The following GALR1 variants were observed in gnomAD, a reference collection of about 807,000 sequenced individuals.
GALR1 encodes galanin receptor 1, also known as galanin receptor type 1.
In GALR1, 11 loss-of-function variants were observed where a neutral mutation model predicts 17.9. That is an observed-to-expected ratio of 0.62 (90% CI 0.39 to 1.02). The LOEUF (loss-of-function observed/expected upper bound fraction) is 1.02. GALR1 is among the 50% of genes least tolerant of loss of function. The pLI, the probability that GALR1 is intolerant of heterozygous loss-of-function variation, is 0.01. For synonymous variants in GALR1, 206 were observed against 205.7 expected (o/e 1.00, Z -0.01); for missense variants, 441 against 456.9 (o/e 0.97, Z 0.32).
At chr18:77,263,022 T>C (rs1464417795) in intron 2 of GALR1, among the ~76,000 whole-genome samples, 1 of 152,252 alleles carries the variant, frequency 6.6e-6, no homozygotes, top group African/African-American at 2.4e-5. Flanking sequence ...GGCATAGATC[T>C]TATCAGTAAG....
chr18:77,252,866 CCACCACCACCACCAT>C (rs1568138940), intron 1 of GALR1, among the ~76,000 whole-genome samples: 86 of 99,482 alleles, frequency 8.6e-4, no homozygotes, highest in South Asian at 4.5e-3. Flanking sequence ...ACCACCACCA[CCACCACCACCACCAT>C]CACCACCACC....
At chr18:77,267,978 A>T (rs555541948) in intron 2 of GALR1, among the ~76,000 whole-genome samples, 32 of 152,340 alleles carry the variant, frequency 2.1e-4, no homozygotes, top group African/African-American at 7.5e-4. Context: ...TCTGATTTCT[A>T]AGTATTTCTG....
Position 77,273,826 on chromosome 18 carries a change from G to C in GALR1, c.*4924G>C, listed in dbSNP as rs186702040. ...TTTCGTTGGCACTGTTGGATAGAAA[G>C]CCTCTCCTTTTCTGCTGGAGAAGAG... On this transcript the variant is annotated 3_prime_UTR_variant, in exon 3 of 3. Transcript: ENST00000299727. The C allele has an allele frequency of 6.6e-6, 1 of 152,144 alleles. No homozygotes were observed. The highest frequency in any genetic ancestry group is 1.9e-4 in the East Asian group (1 of 5,184). The allele number at this position is 152,144 out of a possible 1,614,324, so 9.4% of individuals were successfully genotyped here.
chr18:77,251,313 G>A, intron 1 of GALR1, 99 bp downstream of exon 1: 1 of 1,478,666 alleles, frequency 6.8e-7, no homozygotes, highest in African/African-American at 1.4e-5. Flanking sequence ...GAGCCTTGGC[G>A]GCAGCCTGGC....
chr18:77,250,300 C>T lies in GALR1; in HGVS notation c.-249C>T, dbSNP rs1421457798. Among the ~76,000 whole-genome samples the T allele has an allele frequency of 6.6e-6, 1 of 152,198 alleles. No homozygotes were observed. The highest frequency in any genetic ancestry group is 1.5e-5 in the Non-Finnish European group (1 of 68,018). On this transcript the variant is annotated 5_prime_UTR_variant, in exon 1 of 3. Transcript: ENST00000299727. ...CCCCAGTGCTCTCGAGATCACCGTC[C>T]CTTCCCGAGAAGGTCCAGCTCCGGG... is the stretch of plus-strand genomic sequence containing the variant.
intron 2 of GALR1, among the ~76,000 whole-genome samples, chr18:77,258,412 C>T (rs940366941): frequency 1.4e-5 from 2 of 147,310 alleles, no homozygotes; most frequent in Non-Finnish European, 3.1e-5. Flanking sequence ...TTAATTGCCT[C>T]CTTGTTTGCA....
intron 2 of GALR1, among the ~76,000 whole-genome samples, chr18:77,256,562 G>C (rs1912596659): frequency 8.0e-6 from 1 of 125,462 alleles, no homozygotes; most frequent in African/African-American, 2.6e-5. Context: ...TGCATACTTA[G>C]AGGGAAAGTA....
At position 77,274,579 on chromosome 18, in the gene GALR1, G is replaced by C. The variant is rs764671275; in HGVS notation, c.*5677G>C. 6.6e-6 allele frequency: 1 copy of C among 152,262 alleles called. No homozygotes were observed. The highest frequency in any genetic ancestry group is 6.5e-5 in the Admixed American group (1 of 15,272). The allele number at this position is 152,262 out of a possible 1,614,324, so 9.4% of individuals were successfully genotyped here. ...CATTTCTGATTGGTTCTTAGAGCCT[G>C]CATCTTGTACCACTGGGACTTCTGG... On this transcript the variant is annotated 3_prime_UTR_variant, in exon 3 of 3. Coordinates refer to ENST00000299727, the MANE Select transcript of GALR1 (RefSeq NM_001480.4).
rs1483424085 is a variant in GALR1 at position 77,277,451 on chromosome 18, G to A, written c.*8549G>A. ...TCTCTCTTCGCCTGCTGCCATCCAT[G>A]TAAGATGTGACTTGCTCCTCCTTGC... On this transcript the variant is annotated 3_prime_UTR_variant, in exon 3 of 3. Transcript: ENST00000299727. The A allele has an allele frequency of 6.6e-6, 1 of 152,252 alleles. No homozygotes were observed. Among genetic ancestry groups the A allele is most frequent in the Non-Finnish European group, 1.5e-5 (1 of 68,122 alleles). 9.4% of individuals were successfully genotyped at this position (152,252 alleles called of 1,614,324 possible).
At chr18:77,252,995 C>CCACCACCACCACCACCACCAT (rs1912498715) in intron 1 of GALR1, among the ~76,000 whole-genome samples, 2 of 43,718 alleles carry the variant, frequency 4.6e-5, no homozygotes. Context: ...ACCATCACCA[C>CCACCACCACCACCACCACCAT]CACCACCACC....
Position 77,270,896 on chromosome 18 carries a change from A to C in GALR1, c.*1994A>C, listed in dbSNP as rs1913049002. On this transcript the variant is annotated 3_prime_UTR_variant, in exon 3 of 3. Coordinates refer to ENST00000299727, the MANE Select transcript of GALR1 (RefSeq NM_001480.4). ...TATTCAAATATATAGGAGCAGAAAA[A>C]TTTTATCCTGACGATGATACTTCCT... 6.6e-6 allele frequency: 1 copy of C among 152,142 alleles called. No homozygotes were observed. Among genetic ancestry groups the C allele is most frequent in the East Asian group, 1.9e-4 (1 of 5,196 alleles). 9.4% of individuals were successfully genotyped at this position (152,142 alleles called of 1,614,324 possible).
At chr18:77,259,848 G>A (rs1277170387) in intron 2 of GALR1, among the ~76,000 whole-genome samples, 1 of 151,952 alleles carries the variant, frequency 6.6e-6, no homozygotes, top group African/African-American at 2.4e-5. Flanking sequence ...GGCAGGAGAG[G>A]TGAGACAGGG....
intron 1 of GALR1, among the ~76,000 whole-genome samples, chr18:77,254,760 C>T (rs1390441121): frequency 2.0e-5 from 3 of 152,196 alleles, no homozygotes; most frequent in African/African-American, 4.8e-5. Context: ...ACTCCCATTT[C>T]GGCTGGTAGA....
At chr18:77,264,361 G>C (rs1012045891) in intron 2 of GALR1, among the ~76,000 whole-genome samples, 4 of 152,054 alleles carry the variant, frequency 2.6e-5, no homozygotes, top group African/African-American at 9.7e-5. Context: ...TTCCCTCCAT[G>C]TGAAGTTATA....
At position 77,259,304 on chromosome 18, in the gene GALR1, G is replaced by C. The variant is rs1232642565; in HGVS notation, c.732+3081G>C. On this transcript the variant is annotated intron_variant, in intron 2 of 2. Coordinates refer to ENST00000299727, the MANE Select transcript of GALR1 (RefSeq NM_001480.4). ...TGGTCATGGTGGTCATGGTGGTGAT[G>C]ATGGTGGTGATGATGGTGGTCATGG... Among the ~76,000 whole-genome samples, 14 of 55,512 alleles carry C rather than the reference G, an allele frequency of 2.5e-4. 2 individuals carry two copies. The highest frequency in any genetic ancestry group is 3.5e-4 in the Non-Finnish European group (7 of 19,844). The allele number at this position is 55,512 out of a possible 152,430, so 36.4% of individuals were successfully genotyped here. A position where few individuals can be genotyped will look rare whatever the true frequency, so the allele number is the denominator to read the frequency against.
chr18:77,250,982 C>T lies in GALR1; in HGVS notation c.434C>T (p.Ser145Phe), dbSNP rs754513356. Residue 145 changes from serine (S) to phenylalanine (F), a missense_variant, in exon 1 of 3, where the codon TCC becomes TTC. Transcript: ENST00000299727. ...ATCGTGCACTCGCGGCGCTCCTCCT[C>T]CCTCAGGGTGTCCCGCAACGCGCTG... ...VAIVHSRRSSSLRVSRNALLG... is the reference protein window; with the variant it reads ...VAIVHSRRSSFLRVSRNALLG... 2 of 1,604,422 alleles carry T rather than the reference C, an allele frequency of 1.2e-6. No individual in the cohort carries two copies. The highest frequency in any genetic ancestry group is 2.2e-5 in the East Asian group (1 of 44,874).
Position 77,269,083 on chromosome 18 carries a change from G to A in GALR1, c.*181G>A, listed in dbSNP as rs912792063. The A allele has an allele frequency of 3.5e-6, 2 of 578,322 alleles. No individual in the cohort carries two copies. Among genetic ancestry groups the A allele is most frequent in the Non-Finnish European group, 6.1e-6 (2 of 330,168 alleles). The allele number at this position is 578,322 out of a possible 1,614,324, so 35.8% of individuals were successfully genotyped here. ...TCCATTTAGGAAATTCCTAGGTCTA[G>A]TGAGAATTATTTTTCAATTTTATTT... On this transcript the variant is annotated 3_prime_UTR_variant, in exon 3 of 3. Coordinates refer to ENST00000299727, the MANE Select transcript of GALR1 (RefSeq NM_001480.4).
In GALR1 at chr18:77,273,185, G is replaced by T. The variant is rs1913093751; in HGVS notation, c.*4283G>T. The T allele has an allele frequency of 6.6e-6, 1 of 152,266 alleles. No individual in the cohort carries two copies. Among genetic ancestry groups the T allele is most frequent in the Non-Finnish European group, 1.5e-5 (1 of 68,116 alleles). 9.4% of individuals were successfully genotyped at this position (152,266 alleles called of 1,614,324 possible). ...CCCTCACATACCTTGGCAGGCCCTG[G>T]CTTTCGTTTCTCTGTGGTGCCTGGT... On this transcript the variant is annotated 3_prime_UTR_variant, in exon 3 of 3. Transcript: ENST00000299727.
chr18:77,262,079 C>T (rs1912842995), intron 2 of GALR1, among the ~76,000 whole-genome samples: 1 of 152,176 alleles, frequency 6.6e-6, no homozygotes, highest in South Asian at 2.1e-4. Context: ...CCTCCTGCCT[C>T]AGCCTCCCAA....
Sources: gnomAD v4.1 joint callset for allele counts (sites outside exome capture counted in the v4.1 genomes callset) on GRCh38, gnomAD v4.1.1 for gene constraint, MANE v1.5 for transcripts, NCBI Gene and HGNC (gene_info 2026-07-23, HGNC 2026-07-21) for gene names.